Variants in ERC2 observed in about 807,000 individuals in gnomAD.
The protein encoded by ERC2 is ELKS/RAB6-interacting/CAST family member 2.
Under a neutral mutation model 114.8 loss-of-function variants are expected in ERC2, and 42 were observed. The ratio of observed to expected loss-of-function variants is 0.37; its 90% CI spans 0.29 to 0.47. The LOEUF (loss-of-function observed/expected upper bound fraction) is 0.47. Ranked by LOEUF, ERC2 falls within the 20% of genes least tolerant of loss-of-function variation. ERC2 has a pLI of 0.99. For synonymous variants in ERC2, 454 were observed against 425.5 expected (o/e 1.07, Z -0.82); for missense variants, 939 against 1,150.7 (o/e 0.82, Z 2.66).
At chr3:55,577,256 C>T (rs2057031957) in intron 17 of ERC2, among the ~76,000 whole-genome samples, 1 of 148,862 alleles carries the variant, frequency 6.7e-6, no homozygotes, top group African/African-American at 2.5e-5. Context: ...TTCCACCCAC[C>T]TTCCCTAGGA....
At chr3:56,040,544 T>C (rs78019302) in intron 7 of ERC2, among the ~76,000 whole-genome samples, 1 of 146,546 alleles carries the variant, frequency 6.8e-6, no homozygotes, top group Non-Finnish European at 1.5e-5. Flanking sequence ...GATACATATA[T>C]ATCTATATAT....
At chr3:56,222,235 G>C (rs896211277) in intron 3 of ERC2, among the ~76,000 whole-genome samples, 1 of 152,220 alleles carries the variant, frequency 6.6e-6, no homozygotes, top group African/African-American at 2.4e-5. Flanking sequence ...TGGAAGGACA[G>C]AGCAGATTAA....
intron 3 of ERC2, among the ~76,000 whole-genome samples, chr3:56,220,631 C>A (rs1276158004): frequency 6.6e-6 from 1 of 152,242 alleles, no homozygotes; most frequent in Non-Finnish European, 1.5e-5. Flanking sequence ...CTGAACAGTG[C>A]CGCTGGCTCC....
At chr3:55,842,821 G>A (rs1015702867) in intron 14 of ERC2, among the ~76,000 whole-genome samples, 5 of 151,980 alleles carry the variant, frequency 3.3e-5, no homozygotes, top group East Asian at 1.9e-4. Flanking sequence ...ACGATCAAAC[G>A]TTAGAGGTTC....
In ERC2 at chr3:55,711,810, C is replaced by T. The variant is rs145428526; in HGVS notation, c.2713-12298G>A. On this transcript the variant is annotated intron_variant, in intron 15 of 17. Coordinates refer to ENST00000288221, the MANE Select transcript of ERC2 (RefSeq NM_015576.3). ...CTAATGTGTTTGTTTCCAACAAAGA[C>T]GGATGCTTAAACATATCATAGCTGT... is the stretch of plus-strand genomic sequence containing the variant. Among the ~76,000 whole-genome samples the T allele has an allele frequency of 1.8e-3, 271 of 152,240 alleles. 1 individual carries two copies. The highest frequency in any genetic ancestry group is 6.8e-3 in the Middle Eastern group (2 of 294).
chr3:56,449,840 A>T (rs1415062756), intron 1 of ERC2, among the ~76,000 whole-genome samples: 1 of 152,258 alleles, frequency 6.6e-6, no homozygotes, highest in African/African-American at 2.4e-5. Flanking sequence ...AAGCTACCAG[A>T]ATATAACACA....
At chr3:56,313,001 C>CATAT (rs3055903) in intron 2 of ERC2, among the ~76,000 whole-genome samples, 3,056 of 43,748 alleles carry the variant, frequency 0.07, 289 homozygotes, top group South Asian at 0.14. Flanking sequence ...TATGTATATT[C>CATAT]ATATATATAT....
intron 7 of ERC2, among the ~76,000 whole-genome samples, chr3:56,028,167 C>T (rs1370011034): frequency 6.6e-6 from 1 of 152,070 alleles, no homozygotes; most frequent in South Asian, 2.1e-4. Context: ...ATATCTCTAT[C>T]CTTCAATAAT....
At chr3:56,096,359 C>T (rs1161494770) in intron 6 of ERC2, among the ~76,000 whole-genome samples, 1 of 152,120 alleles carries the variant, frequency 6.6e-6, no homozygotes, top group Non-Finnish European at 1.5e-5. Context: ...ATTTTTGAGA[C>T]AGGGTGAGTT....
At chr3:56,120,239 G>C (rs933493045) in intron 6 of ERC2, among the ~76,000 whole-genome samples, 1 of 152,178 alleles carries the variant, frequency 6.6e-6, no homozygotes, top group African/African-American at 2.4e-5. Context: ...GGAAGCATCA[G>C]CTTTCGATTG....
intron 3 of ERC2, among the ~76,000 whole-genome samples, chr3:56,250,331 C>T (rs2052057868): frequency 6.6e-6 from 1 of 152,178 alleles, no homozygotes; most frequent in African/African-American, 2.4e-5. Flanking sequence ...AGGCAAGAGA[C>T]AGGAGTAGAT....
chr3:55,555,168 C>A (rs1041686070), intron 17 of ERC2, among the ~76,000 whole-genome samples: 2 of 152,188 alleles, frequency 1.3e-5, no homozygotes, highest in African/African-American at 4.8e-5. Flanking sequence ...GCATTTGTTT[C>A]TAATTAAACA....
intron 3 of ERC2, among the ~76,000 whole-genome samples, chr3:56,205,441 T>C (rs1183254337): frequency 6.6e-6 from 1 of 152,186 alleles, no homozygotes; most frequent in African/African-American, 2.4e-5. Context: ...CCAATTACTC[T>C]AGCATCTGAT....
In ERC2 at chr3:55,685,808, C is replaced by T. The variant is rs181516175; in HGVS notation, c.2848-1949G>A. On this transcript the variant is annotated intron_variant, in intron 16 of 17. Coordinates refer to ENST00000288221, the MANE Select transcript of ERC2 (RefSeq NM_015576.3). ...GAGGCTTTCTCTAAAACACAGCCTA[C>T]GGCCACTGCCGACTTCTTCCTAAAT... Among the ~76,000 whole-genome samples the T allele has an allele frequency of 2.5e-4, 38 of 152,284 alleles. No homozygotes were observed. In the South Asian group the frequency reaches 5.8e-3, roughly 23 times the overall value.
At chr3:55,565,629 T>C (rs904251635) in intron 17 of ERC2, among the ~76,000 whole-genome samples, 45 of 151,670 alleles carry the variant, frequency 3.0e-4, no homozygotes, top group African/African-American at 1.0e-3. Flanking sequence ...TTAAACATCA[T>C]AAAAAAAATG....
intron 14 of ERC2, among the ~76,000 whole-genome samples, chr3:55,858,768 T>C (rs562819773): frequency 2.0e-5 from 3 of 152,022 alleles, no homozygotes; most frequent in Non-Finnish European, 4.4e-5. Flanking sequence ...GCTGACAGAG[T>C]AGGCAGGGTC....
At chr3:56,216,413 G>A (rs1185664637) in intron 3 of ERC2, among the ~76,000 whole-genome samples, 1 of 152,068 alleles carries the variant, frequency 6.6e-6, no homozygotes, top group African/African-American at 2.4e-5. Flanking sequence ...TAAATTCCTC[G>A]ACACATACAC....
intron 7 of ERC2, among the ~76,000 whole-genome samples, chr3:56,039,960 G>T (rs1576666674): frequency 6.6e-6 from 1 of 152,172 alleles, no homozygotes; most frequent in East Asian, 1.9e-4. Flanking sequence ...AGTAAAATTG[G>T]ACCCTTATCT....
intron 17 of ERC2, among the ~76,000 whole-genome samples, chr3:55,548,970 T>C (rs140854136): frequency 7.2e-5 from 11 of 152,320 alleles, no homozygotes; most frequent in Non-Finnish European, 1.0e-4. Flanking sequence ...AACTACCAAA[T>C]TCCTACATCT....
Sources: gnomAD v4.1 joint callset for allele counts (sites outside exome capture counted in the v4.1 genomes callset) on GRCh38, gnomAD v4.1.1 for gene constraint, MANE v1.5 for transcripts, NCBI Gene and HGNC (gene_info 2026-07-23, HGNC 2026-07-21) for gene names.